Variants in SUCO observed in about 807,000 individuals in gnomAD.
SUCO encodes the protein SUN domain containing ossification factor.
In SUCO, 57 loss-of-function variants were observed where a neutral mutation model predicts 148.1. That is an observed-to-expected ratio of 0.38 (90% CI 0.31 to 0.48). SUCO has a LOEUF of 0.48. Ranked by LOEUF, SUCO falls within the 20% of genes least tolerant of loss-of-function variation. SUCO has a pLI of 0.96. For synonymous variants in SUCO, 470 were observed against 502.7 expected (o/e 0.93, Z 0.87); for missense variants, 1,331 against 1,468.2 (o/e 0.91, Z 1.53).
chr1:172,579,328 A>ATGGT (rs1348885866), intron 15 of SUCO, 61 bp downstream of exon 15: 7 of 1,055,572 alleles, frequency 6.6e-6, no homozygotes, highest in Non-Finnish European at 8.7e-6. Flanking sequence ...ACACACAGAC[A>ATGGT]TTTTGTCATG....
At chr1:172,538,010 A>G (rs530458740) in intron 1 of SUCO, among the ~76,000 whole-genome samples, 8 of 152,274 alleles carry the variant, frequency 5.3e-5, no homozygotes, top group African/African-American at 1.9e-4. Context: ...ATGTGAGGAG[A>G]GATGGGAAGG....
chr1:172,590,989 GA>G lies in SUCO; in HGVS notation c.2835del (p.Lys945AsnfsTer15). 6.2e-7 allele frequency: 1 copy of G among 1,610,550 alleles called. No homozygotes were observed. Among genetic ancestry groups the G allele is most frequent in the Middle Eastern group, 1.7e-4 (1 of 5,842 alleles). On this transcript the variant is annotated frameshift_variant, in exon 19 of 24. Transcript: ENST00000263688. LOFTEE classifies it high-confidence loss of function. ...RYLEELSQRY[R>X]KQMEEMQKAF... Reference sequence around the variant, plus strand: ...GACCAATTCTTACTTCATAGGTACCGAAAACAAATGGAAGAAATGCAAAAGG... The same window carrying G: ...GACCAATTCTTACTTCATAGGTACCGAAACAAATGGAAGAAATGCAAAAGG...
chr1:172,593,887 T>A (rs1490292110), intron 19 of SUCO, among the ~76,000 whole-genome samples: 1 of 152,248 alleles, frequency 6.6e-6, no homozygotes, highest in Non-Finnish European at 1.5e-5. Flanking sequence ...AAAATTCATC[T>A]GTGAATCTGT....
chr1:172,594,365 T>C (rs1260686027), intron 19 of SUCO, among the ~76,000 whole-genome samples: 3 of 152,190 alleles, frequency 2.0e-5, no homozygotes, highest in Non-Finnish European at 4.4e-5. Context: ...CTTTTAATTG[T>C]GATGTTAGGG....
chr1:172,575,453 T>C, intron 10 of SUCO, 65 bp from the exon 11 acceptor site: 5 of 1,173,898 alleles, frequency 4.3e-6, no homozygotes, highest in Non-Finnish European at 6.1e-6. Flanking sequence ...TTTGAAAATA[T>C]GATAGAACCT....
chr1:172,574,556 T>G (rs1395664827), intron 10 of SUCO, among the ~76,000 whole-genome samples: 1 of 152,086 alleles, frequency 6.6e-6, no homozygotes, highest in African/African-American at 2.4e-5. Flanking sequence ...TTTAATATAT[T>G]TCTTCCAGTC....
intron 3 of SUCO, among the ~76,000 whole-genome samples, chr1:172,554,322 T>C (rs1653556545): frequency 6.6e-6 from 1 of 152,226 alleles, no homozygotes; most frequent in South Asian, 2.1e-4. Flanking sequence ...ATGATGTAGT[T>C]GTGCTCAAAT....
chr1:172,541,653 A>C (rs1178209469), intron 1 of SUCO, among the ~76,000 whole-genome samples: 2 of 152,240 alleles, frequency 1.3e-5, no homozygotes, highest in Non-Finnish European at 2.9e-5. Context: ...TAGGATTCTA[A>C]ATAACTGGAT....
intron 4 of SUCO, chr1:172,556,672 ATAT>A: frequency 3.0e-6 from 3 of 984,990 alleles, no homozygotes; most frequent in Non-Finnish European, 3.6e-6. Context: ...GTTGCACAAG[ATAT>A]TATGGTTACC....
intron 17 of SUCO, among the ~76,000 whole-genome samples, chr1:172,586,282 T>C (rs535537578): frequency 6.6e-6 from 1 of 151,448 alleles, no homozygotes; most frequent in East Asian, 1.9e-4. Context: ...AGGCCCCCCC[T>C]TTTTTTTATT....
intron 15 of SUCO, among the ~76,000 whole-genome samples, chr1:172,582,061 G>C (rs1446844987): frequency 6.6e-6 from 1 of 152,002 alleles, no homozygotes; most frequent in Non-Finnish European, 1.5e-5. Context: ...TGATTTTCTT[G>C]TTCTTTGTCA....
intron 15 of SUCO, among the ~76,000 whole-genome samples, chr1:172,583,699 G>A (rs1045005815): frequency 6.6e-6 from 1 of 152,138 alleles, no homozygotes; most frequent in Admixed American, 6.5e-5. Context: ...TGATTAATAT[G>A]TAGCCCCTGC....
At chr1:172,579,126 C>T (rs1655679059) in intron 14 of SUCO, 76 bp from the exon 15 acceptor site, 2 of 785,634 alleles carry the variant, frequency 2.5e-6, no homozygotes, top group Non-Finnish European at 4.4e-6. Flanking sequence ...TTTGACAGGA[C>T]ATAATTTGAG....
rs1334375559 is a variant in SUCO, at chr1:172,533,189, G to T, written c.-247G>T. Reference sequence around the variant, plus strand: ...GCGGCTGCAGGAGGCGGGCGTGGACGAGCCGGTGGCTGCAGCGGCGGCGGT... The same window carrying T: ...GCGGCTGCAGGAGGCGGGCGTGGACTAGCCGGTGGCTGCAGCGGCGGCGGT... On this transcript the variant is annotated 5_prime_UTR_variant, in exon 1 of 24. It introduces an in-frame stop codon into an upstream open reading frame of the 5' UTR. Transcript: ENST00000263688. 4 of 1,498,236 alleles carry T rather than the reference G, an allele frequency of 2.7e-6. No homozygotes were observed. In the African/African-American group the frequency reaches 5.6e-5, roughly 21 times the overall value. The allele number at this position is 1,498,236 out of a possible 1,614,324, so 92.8% of individuals were successfully genotyped here.
chr1:172,532,815 GGAA>G, upstream of SUCO: 1 of 1,592,218 alleles, frequency 6.3e-7, no homozygotes, highest in Non-Finnish European at 8.5e-7. Flanking sequence ...CACTGTAAGG[GGAA>G]ATGCTGAGGA....
At chr1:172,564,346 G>A (rs1019389055) in intron 6 of SUCO, among the ~76,000 whole-genome samples, 3 of 152,240 alleles carry the variant, frequency 2.0e-5, no homozygotes, top group Non-Finnish European at 4.4e-5. Context: ...CTCAACACCA[G>A]CTCCTGAAAG....
intron 9 of SUCO, 22 bp from the exon 10 acceptor site, chr1:172,573,869 T>C (rs889080343): frequency 7.5e-7 from 1 of 1,339,930 alleles, no homozygotes; most frequent in Non-Finnish European, 1.1e-6. Flanking sequence ...GTTTAAGTAA[T>C]TGTCTTTTGT....
At chr1:172,571,555 G>C (rs1231249800) in intron 9 of SUCO, among the ~76,000 whole-genome samples, 2 of 146,580 alleles carry the variant, frequency 1.4e-5, no homozygotes, top group South Asian at 2.2e-4. Flanking sequence ...CTGCCTGGCT[G>C]CCCAGTCTGG....
intron 7 of SUCO, chr1:172,569,581 G>A: frequency 1.2e-6 from 1 of 863,090 alleles, no homozygotes; most frequent in Non-Finnish European, 1.4e-6. Context: ...AGAGGAGGGT[G>A]ACTAAAATTA....
Sources: allele counts gnomAD v4.1 joint callset (sites outside exome capture counted in the v4.1 genomes callset), GRCh38; gene constraint gnomAD v4.1.1; transcripts MANE v1.5; gene names NCBI Gene and HGNC (gene_info 2026-07-23, HGNC 2026-07-21).